GPC5: variants seen among roughly 807,000 people sequenced by gnomAD.
The protein encoded by GPC5 is glypican 5.
In GPC5, 47 loss-of-function variants were observed where a neutral mutation model predicts 53.9. The ratio of observed to expected loss-of-function variants is 0.87; its 90% CI spans 0.69 to 1.11. The LOEUF (loss-of-function observed/expected upper bound fraction) is 1.11. Among genes scored for constraint, GPC5 ranks in the 50% most tolerant of loss-of-function variants. GPC5 has a pLI of 0.00. For synonymous variants in GPC5, 286 were observed against 263.3 expected (o/e 1.09, Z -0.84); for missense variants, 748 against 713.1 (o/e 1.05, Z -0.56).
At chr13:91,933,427 C>T (rs2039840555) in intron 6 of GPC5, among the ~76,000 whole-genome samples, 1 of 151,910 alleles carries the variant, frequency 6.6e-6, no homozygotes. Context: ...GTAATCACTG[C>T]ATAGAGTATT....
At chr13:92,307,474 GAA>G (rs1056894252) in intron 7 of GPC5, among the ~76,000 whole-genome samples, 1 of 152,122 alleles carries the variant, frequency 6.6e-6, no homozygotes. Context: ...AGAAAAGAAA[GAA>G]AGAAATTTGT....
intron 7 of GPC5, among the ~76,000 whole-genome samples, chr13:92,512,396 C>T (rs1487766421): frequency 1.3e-5 from 2 of 152,072 alleles, no homozygotes; most frequent in African/African-American, 4.8e-5. Flanking sequence ...AAATGGGAAT[C>T]CCTAAAGCAA....
At chr13:92,287,990 T>G (rs1324361174) in intron 7 of GPC5, among the ~76,000 whole-genome samples, 2 of 152,132 alleles carry the variant, frequency 1.3e-5, no homozygotes, top group Non-Finnish European at 2.9e-5. Flanking sequence ...AGTTGTCCAG[T>G]CTATCTTCAA....
At chr13:91,485,411 T>G (rs1485834321) in intron 2 of GPC5, among the ~76,000 whole-genome samples, 1 of 152,082 alleles carries the variant, frequency 6.6e-6, no homozygotes, top group Non-Finnish European at 1.5e-5. Context: ...AGAAATGGGG[T>G]TTCAAAGTGT....
At chr13:92,014,450 A>G (rs568399074) in intron 6 of GPC5, among the ~76,000 whole-genome samples, 1 of 152,314 alleles carries the variant, frequency 6.6e-6, no homozygotes, top group South Asian at 2.1e-4. Flanking sequence ...ACAATGTGAA[A>G]GGAATTTCTG....
At chr13:92,326,332 T>C (rs2043250738) in intron 7 of GPC5, among the ~76,000 whole-genome samples, 1 of 152,060 alleles carries the variant, frequency 6.6e-6, no homozygotes, top group Admixed American at 6.6e-5. Context: ...CCACTAAAAC[T>C]TTTAATATAG....
intron 7 of GPC5, among the ~76,000 whole-genome samples, chr13:92,835,900 T>C (rs1878202547): frequency 6.6e-6 from 1 of 152,038 alleles, no homozygotes; most frequent in African/African-American, 2.4e-5. Flanking sequence ...TATGAAATGC[T>C]ATGGTAACTA....
At chr13:92,698,438 T>C (rs1226286117) in intron 7 of GPC5, among the ~76,000 whole-genome samples, 1 of 152,138 alleles carries the variant, frequency 6.6e-6, no homozygotes, top group Non-Finnish European at 1.5e-5. Context: ...GTCCTTGCGA[T>C]AGTTTGCTGA....
At chr13:91,667,316 G>T (rs1251418987) in intron 2 of GPC5, among the ~76,000 whole-genome samples, 1 of 152,094 alleles carries the variant, frequency 6.6e-6, no homozygotes, top group Non-Finnish European at 1.5e-5. Context: ...GTGTGTGTGG[G>T]TATGTGTGTA....
At chr13:92,522,631 G>A (rs565606091) in intron 7 of GPC5, among the ~76,000 whole-genome samples, 1 of 152,210 alleles carries the variant, frequency 6.6e-6, no homozygotes, top group East Asian at 1.9e-4. Flanking sequence ...GGTGGGGGAA[G>A]GGGAGAGGGA....
chr13:91,634,409 C>T (rs2034235081), intron 2 of GPC5, among the ~76,000 whole-genome samples: 1 of 151,964 alleles, frequency 6.6e-6, no homozygotes. Context: ...GCTTAGGTCA[C>T]ACAGTCGATT....
At chr13:91,886,280 A>G (rs1386628559) in intron 5 of GPC5, among the ~76,000 whole-genome samples, 1 of 152,142 alleles carries the variant, frequency 6.6e-6, no homozygotes, top group East Asian at 1.9e-4. Context: ...ATTCACTATC[A>G]TGAGAACAGC....
rs1470967154 is a variant in GPC5, at chr13:92,033,072, T to TGTGTGTGTGTGC, written c.1402-111755_1402-111754insTGTGTGTGCGTG. On this transcript the variant is annotated intron_variant, in intron 6 of 7. Transcript: ENST00000377067. ...GTGTGTGTGTGTGTGTGTGTGTGTG[T>TGTGTGTGTGTGC]GTGCTTCTCATTGAACCATATCAGT... is the stretch of plus-strand genomic sequence containing the variant. Among the ~76,000 whole-genome samples, 64 of 151,560 alleles carry TGTGTGTGTGTGC rather than the reference T, an allele frequency of 4.2e-4. 1 individual carries two copies. The highest frequency in any genetic ancestry group is 1.2e-3 in the African/African-American group (48 of 41,226).
At chr13:91,893,944 G>GTT (rs200751114) in intron 5 of GPC5, among the ~76,000 whole-genome samples, 14 of 140,484 alleles carry the variant, frequency 1.0e-4, no homozygotes, top group African/African-American at 1.6e-4. Flanking sequence ...ATTTTACCAG[G>GTT]TTTTTTTTTT....
chr13:91,704,127 T>C (rs576909010), intron 3 of GPC5, among the ~76,000 whole-genome samples: 2 of 152,270 alleles, frequency 1.3e-5, no homozygotes, highest in African/African-American at 4.8e-5. Context: ...TTGCAGTCCA[T>C]TTCTGGCTTG....
At chr13:92,029,452 T>A (rs946773100) in intron 6 of GPC5, among the ~76,000 whole-genome samples, 1 of 152,184 alleles carries the variant, frequency 6.6e-6, no homozygotes, top group Non-Finnish European at 1.5e-5. Context: ...ATAATCAAGC[T>A]AGAAGGGAGA....
chr13:92,603,508 T>C (rs1436492954), intron 7 of GPC5, among the ~76,000 whole-genome samples: 3 of 152,144 alleles, frequency 2.0e-5, no homozygotes, highest in Non-Finnish European at 4.4e-5. Flanking sequence ...TGGATTATCT[T>C]ATAGCTGAGG....
chr13:91,860,903 A>G (rs972403576), intron 5 of GPC5, among the ~76,000 whole-genome samples: 1 of 152,200 alleles, frequency 6.6e-6, no homozygotes, highest in African/African-American at 2.4e-5. Flanking sequence ...ATCGAGGTGC[A>G]GATGTTTATT....
intron 2 of GPC5, among the ~76,000 whole-genome samples, chr13:91,572,036 T>C (rs1202893443): frequency 4.8e-5 from 5 of 103,886 alleles, no homozygotes; most frequent in African/African-American, 3.4e-4. Context: ...TGTATATATG[T>C]GTATATACAC....
Sources: gnomAD v4.1 joint callset for allele counts (sites outside exome capture counted in the v4.1 genomes callset) on GRCh38, gnomAD v4.1.1 for gene constraint, MANE v1.5 for transcripts, NCBI Gene and HGNC (gene_info 2026-07-23, HGNC 2026-07-21) for gene names.